IFNA1: variants seen among roughly 807,000 people sequenced by gnomAD.
IFNA1 encodes the protein interferon alpha-1.
For missense variants in IFNA1, 130 were observed against 219.8 expected, an observed-to-expected ratio of 0.59 and a Z score of 2.58; for synonymous variants, 52 against 86.8, an observed-to-expected ratio of 0.60 and a Z score of 2.23.
chr9:21,441,311 T>C lies in IFNA1; in HGVS notation c.*234T>C, dbSNP rs12685904. 2.3e-4 allele frequency: 130 copies of C among 577,154 alleles called. No homozygotes were observed. The highest frequency in any genetic ancestry group is 1.7e-3 in the African/African-American group (90 of 51,682). The allele number at this position is 577,154 out of a possible 1,614,324, so 35.8% of individuals were successfully genotyped here. A position where few individuals can be genotyped will look rare whatever the true frequency, so the allele number is the denominator to read the frequency against. On this transcript the variant is annotated 3_prime_UTR_variant, in exon 1 of 1. Transcript: ENST00000276927. ...GTGTAATAAAACATGTTCCTTATAT[T>C]TACTCAATCCATTATTTTGTGTTGT...
rs202105745 is a variant in IFNA1 at position 21,440,731 on chromosome 9, C to T, written c.224C>T (p.Pro75Leu). 2 of 1,533,866 alleles carry T rather than the reference C, an allele frequency of 1.3e-6. No individual in the cohort carries two copies. Among genetic ancestry groups the T allele is most frequent in the Non-Finnish European group, 1.8e-6 (2 of 1,122,408 alleles). The change falls in exon 1 of 1, where the codon CCA (proline) becomes CTA (leucine). Residue 75 changes from proline (P) to leucine (L), a missense_variant. By Grantham distance (98) the Pro-to-Leu change is moderately conservative. Coordinates refer to ENST00000276927, the MANE Select transcript of IFNA1 (RefSeq NM_024013.3). ...GATGGCAACCAGTTCCAGAAGGCTC[C>T]AGCCATCTCTGTCCTCCATGAGCTG... is the stretch of plus-strand genomic sequence containing the variant. ...EFDGNQFQKA[P>L]AISVLHELIQ...
rs778739952 is a variant in IFNA1 at position 21,440,888 on chromosome 9, G to C, written c.381G>C (p.Glu127Asp). The C allele has an allele frequency of 1.3e-6, 2 of 1,564,922 alleles. No individual in the cohort carries two copies. Among genetic ancestry groups the C allele is most frequent in the Non-Finnish European group, 1.7e-6 (2 of 1,156,250 alleles). Reference protein sequence around the residue: ...NDLEACVMQEERVGETPLMNA... With the variant: ...NDLEACVMQEDRVGETPLMNA... ...TGGAAGCCTGTGTGATGCAGGAGGA[G>C]AGGGTGGGAGAAACTCCCCTGATGA... is the stretch of plus-strand genomic sequence containing the variant. The change falls in exon 1 of 1, where the codon GAG (glutamate) becomes GAC (aspartate). Residue 127 changes from glutamate to aspartate, a missense_variant. Glu to Asp is a conservative substitution (Grantham distance 45). Coordinates refer to ENST00000276927, the MANE Select transcript of IFNA1 (RefSeq NM_024013.3).
chr9:21,440,657 C>T lies in IFNA1; in HGVS notation c.150C>T (p.Ser50=). The part of the protein sequence containing the change: ...LLAQMSRISP[S]SCLMDRHDFG... ...CACAAATGAGCAGAATCTCTCCTTC[C>T]TCCTGTCTGATGGACAGACATGACT... Residue 50 remains serine (S), a synonymous_variant, in exon 1 of 1, where the codon TCC becomes TCT. Coordinates refer to ENST00000276927, the MANE Select transcript of IFNA1 (RefSeq NM_024013.3). 1.2e-6 allele frequency: 2 copies of T among 1,608,648 alleles called. No homozygotes were observed. Among genetic ancestry groups the T allele is most frequent in the Non-Finnish European group, 1.7e-6 (2 of 1,177,746 alleles).
rs34116439 is a variant in IFNA1 at position 21,441,309 on chromosome 9, A to T, written c.*232A>T. ...TAGTGTAATAAAACATGTTCCTTAT[A>T]TTTACTCAATCCATTATTTTGTGTT... On this transcript the variant is annotated 3_prime_UTR_variant, in exon 1 of 1. Transcript: ENST00000276927. 3 of 583,554 alleles carry T rather than the reference A, an allele frequency of 5.1e-6. No homozygotes were observed. The highest frequency in any genetic ancestry group is 3.3e-5 in the South Asian group (1 of 29,900). 36.1% of individuals were successfully genotyped at this position (583,554 alleles called of 1,614,324 possible).
At position 21,441,261 on chromosome 9, in the gene IFNA1, C is replaced by G. The variant is rs1818370391; in HGVS notation, c.*184C>G. ...TAAATTATTTTTGTTCATATAACGT[C>G]ATGTGCACCTTTACACTGTGGTTAG... On this transcript the variant is annotated 3_prime_UTR_variant, in exon 1 of 1. Transcript: ENST00000276927. 7 of 902,156 alleles carry G rather than the reference C, an allele frequency of 7.8e-6. No individual in the cohort carries two copies. The highest frequency in any genetic ancestry group is 1.1e-5 in the Non-Finnish European group (7 of 621,612). The allele number at this position is 902,156 out of a possible 1,614,324, so 55.9% of individuals were successfully genotyped here. A position where few individuals can be genotyped will look rare whatever the true frequency, so the allele number is the denominator to read the frequency against.
chr9:21,441,314 C>T lies in IFNA1; in HGVS notation c.*237C>T. On this transcript the variant is annotated 3_prime_UTR_variant, in exon 1 of 1. Coordinates refer to ENST00000276927, the MANE Select transcript of IFNA1 (RefSeq NM_024013.3). ...TAATAAAACATGTTCCTTATATTTA[C>T]TCAATCCATTATTTTGTGTTGTTCA... 3.6e-6 allele frequency: 2 copies of T among 560,054 alleles called. No individual in the cohort carries two copies. The highest frequency in any genetic ancestry group is 5.7e-6 in the Non-Finnish European group (2 of 348,978). The allele number at this position is 560,054 out of a possible 1,614,324, so 34.7% of individuals were successfully genotyped here.
chr9:21,440,831 C>T lies in IFNA1; in HGVS notation c.324C>T (p.Phe108=), dbSNP rs1586976040. The change falls in exon 1 of 1, where the codon TTC becomes TTT. Residue 108 remains phenylalanine, a synonymous_variant. Coordinates refer to ENST00000276927, the MANE Select transcript of IFNA1 (RefSeq NM_024013.3). ...AAWDEDLLDK[F]CTELYQQLND... Reference sequence around the variant, plus strand: ...GGGATGAGGACCTCCTAGACAAATTCTGCACCGAACTCTACCAGCAGCTGA... The same window carrying T: ...GGGATGAGGACCTCCTAGACAAATTTTGCACCGAACTCTACCAGCAGCTGA... The T allele has an allele frequency of 6.8e-7, 1 of 1,464,834 alleles. No homozygotes were observed. The highest frequency in any genetic ancestry group is 2.4e-5 in the East Asian group (1 of 42,510). The allele number at this position is 1,464,834 out of a possible 1,614,324, so 90.7% of individuals were successfully genotyped here.
Position 21,440,886 on chromosome 9 carries a change from G to A in IFNA1, c.379G>A (p.Glu127Lys). The change falls in exon 1 of 1, where the codon GAG (glutamate) becomes AAG (lysine). Residue 127 changes from glutamate (E) to lysine (K), a missense_variant. Physicochemically the swap from Glu to Lys is moderately conservative, Grantham distance 56. Transcript: ENST00000276927. Reference protein sequence around the residue: ...NDLEACVMQEERVGETPLMNA... With the variant: ...NDLEACVMQEKRVGETPLMNA... ...CTTGGAAGCCTGTGTGATGCAGGAGGAGAGGGTGGGAGAAACTCCCCTGAT... is the reference window on the plus strand; with the variant it reads ...CTTGGAAGCCTGTGTGATGCAGGAGAAGAGGGTGGGAGAAACTCCCCTGAT... 6.4e-7 allele frequency: 1 copy of A among 1,562,526 alleles called. No homozygotes were observed. The highest frequency in any genetic ancestry group is 8.7e-7 in the Non-Finnish European group (1 of 1,154,906).
Position 21,440,811 on chromosome 9 carries a change from G to A in IFNA1, c.304G>A (p.Glu102Lys). Residue 102 changes from glutamate to lysine, a missense_variant, in exon 1 of 1, where the codon GAG becomes AAG. Physicochemically the swap from Glu to Lys is moderately conservative, Grantham distance 56. Transcript: ENST00000276927. ...AAAAGATTCATCTGCTGCTTGGGAT[G>A]AGGACCTCCTAGACAAATTCTGCAC... ...TTKDSSAAWDEDLLDKFCTEL... is the reference protein window; with the variant it reads ...TTKDSSAAWDKDLLDKFCTEL... The A allele has an allele frequency of 7.0e-7, 1 of 1,425,122 alleles. No homozygotes were observed. The highest frequency in any genetic ancestry group is 9.5e-7 in the Non-Finnish European group (1 of 1,052,708). The allele number at this position is 1,425,122 out of a possible 1,614,324, so 88.3% of individuals were successfully genotyped here. A position where few individuals can be genotyped will look rare whatever the true frequency, so the allele number is the denominator to read the frequency against.
chr9:21,440,538 C>T lies in IFNA1; in HGVS notation c.31C>T (p.Leu11=). 2 of 1,614,084 alleles carry T rather than the reference C, an allele frequency of 1.2e-6. No homozygotes were observed. The highest frequency in any genetic ancestry group is 1.7e-6 in the Non-Finnish European group (2 of 1,179,992). Residue 11 remains leucine (L), a synonymous_variant, in exon 1 of 1, where the codon CTG becomes TTG. Transcript: ENST00000276927. The stretch of plus-strand genomic sequence containing the variant: ...CTCGCCCTTTGCTTTACTGATGGTC[C>T]TGGTGGTGCTCAGCTGCAAGTCAAG... MASPFALLMV[L]VVLSCKSSCS... is the part of the protein sequence containing the mutation.
At position 21,440,909 on chromosome 9, in the gene IFNA1, G is replaced by A. The variant is rs1818364973; in HGVS notation, c.402G>A (p.Leu134=). 3.8e-6 allele frequency: 6 copies of A among 1,590,492 alleles called. No individual in the cohort carries two copies. The African/African-American group carries it at 7.0e-5, about 19-fold the overall frequency. ...MQEERVGETP[L]MNADSILAVK... is the part of the protein sequence containing the mutation. ...AGGAGAGGGTGGGAGAAACTCCCCT[G>A]ATGAATGCGGACTCCATCTTGGCTG... Residue 134 remains leucine (L), a synonymous_variant, in exon 1 of 1, where the codon CTG becomes CTA. Coordinates refer to ENST00000276927, the MANE Select transcript of IFNA1 (RefSeq NM_024013.3).
chr9:21,441,259 G>T lies in IFNA1; in HGVS notation c.*182G>T. The T allele has an allele frequency of 1.1e-6, 1 of 933,418 alleles. No individual in the cohort carries two copies. Among genetic ancestry groups the T allele is most frequent in the Non-Finnish European group, 1.5e-6 (1 of 650,216 alleles). The allele number at this position is 933,418 out of a possible 1,614,324, so 57.8% of individuals were successfully genotyped here. On this transcript the variant is annotated 3_prime_UTR_variant, in exon 1 of 1. Coordinates refer to ENST00000276927, the MANE Select transcript of IFNA1 (RefSeq NM_024013.3). Reference sequence around the variant, plus strand: ...TTTAAATTATTTTTGTTCATATAACGTCATGTGCACCTTTACACTGTGGTT... The same window carrying T: ...TTTAAATTATTTTTGTTCATATAACTTCATGTGCACCTTTACACTGTGGTT...
Position 21,440,666 on chromosome 9 carries a change from G to T in IFNA1, c.159G>T (p.Leu53=). Residue 53 remains leucine, a synonymous_variant, in exon 1 of 1, where the codon CTG becomes CTT. Coordinates refer to ENST00000276927, the MANE Select transcript of IFNA1 (RefSeq NM_024013.3). The part of the protein sequence containing the change: ...QMSRISPSSC[L]MDRHDFGFPQ... ...GCAGAATCTCTCCTTCCTCCTGTCT[G>T]ATGGACAGACATGACTTTGGATTTC... 2 of 1,606,294 alleles carry T rather than the reference G, an allele frequency of 1.2e-6. No homozygotes were observed. The highest frequency in any genetic ancestry group is 1.7e-6 in the Non-Finnish European group (2 of 1,176,602).
Position 21,440,833 on chromosome 9 carries a change from G to T in IFNA1, c.326G>T (p.Cys109Phe), listed in dbSNP as rs1011990723. ...GATGAGGACCTCCTAGACAAATTCT[G>T]CACCGAACTCTACCAGCAGCTGAAT... ...AWDEDLLDKF[C>F]TELYQQLNDL... The change falls in exon 1 of 1, where the codon TGC becomes TTC. Residue 109 changes from cysteine (C) to phenylalanine (F), a missense_variant. Physicochemically the swap from Cys to Phe is radical, Grantham distance 205. Transcript: ENST00000276927. 6.8e-7 allele frequency: 1 copy of T among 1,469,738 alleles called. No individual in the cohort carries two copies. The highest frequency in any genetic ancestry group is 9.2e-7 in the Non-Finnish European group (1 of 1,092,718). 91.0% of individuals were successfully genotyped at this position (1,469,738 alleles called of 1,614,324 possible).
chr9:21,441,094 A>T lies in IFNA1; in HGVS notation c.*17A>T, dbSNP rs1485025045. On this transcript the variant is annotated 3_prime_UTR_variant, in exon 1 of 1. Transcript: ENST00000276927. ...AAGGAATAACATCTGGTCCAACATG[A>T]AAACAATTCTTATTGACTCATACAC... is the stretch of plus-strand genomic sequence containing the variant. 6.6e-7 allele frequency: 1 copy of T among 1,513,752 alleles called. No homozygotes were observed. The highest frequency in any genetic ancestry group is 8.8e-7 in the Non-Finnish European group (1 of 1,136,000). 93.8% of individuals were successfully genotyped at this position (1,513,752 alleles called of 1,614,324 possible). A position where few individuals can be genotyped will look rare whatever the true frequency, so the allele number is the denominator to read the frequency against.
rs1065753 is a variant in IFNA1, at chr9:21,441,080, T to G, written c.*3T>G. On this transcript the variant is annotated 3_prime_UTR_variant, in exon 1 of 1. Transcript: ENST00000276927. ...AAAGATTAAGGAGGAAGGAATAACATCTGGTCCAACATGAAAACAATTCTT... is the reference window on the plus strand; with the variant it reads ...AAAGATTAAGGAGGAAGGAATAACAGCTGGTCCAACATGAAAACAATTCTT... The G allele has an allele frequency of 3.1e-6, 5 of 1,611,782 alleles. No individual in the cohort carries two copies. Among genetic ancestry groups the G allele is most frequent in the Admixed American group, 1.7e-5 (1 of 59,820 alleles).
Position 21,440,948 on chromosome 9 carries a change from C to T in IFNA1, c.441C>T (p.Phe147=). 1 of 1,606,438 alleles carries T rather than the reference C, an allele frequency of 6.2e-7. No individual in the cohort carries two copies. ...CCATCTTGGCTGTGAAGAAATACTT[C>T]CGAAGAATCACTCTCTATCTGACAG... The part of the protein sequence containing the change: ...ADSILAVKKY[F]RRITLYLTEK... Residue 147 remains phenylalanine (F), a synonymous_variant, in exon 1 of 1, where the codon TTC becomes TTT. Coordinates refer to ENST00000276927, the MANE Select transcript of IFNA1 (RefSeq NM_024013.3).
chr9:21,440,759 C>G lies in IFNA1; in HGVS notation c.252C>G (p.Ile84Met). Residue 84 changes from isoleucine to methionine, a missense_variant, in exon 1 of 1, where the codon ATC (isoleucine) becomes ATG (methionine). Physicochemically the swap from Ile to Met is conservative, Grantham distance 10 (BLOSUM62 1). Transcript: ENST00000276927. ...CCATCTCTGTCCTCCATGAGCTGATCCAGCAGATCTTCAACCTCTTTACCA... is the reference window on the plus strand; with the variant it reads ...CCATCTCTGTCCTCCATGAGCTGATGCAGCAGATCTTCAACCTCTTTACCA... ...APAISVLHEL[I>M]QQIFNLFTTK... 4 of 1,458,042 alleles carry G rather than the reference C, an allele frequency of 2.7e-6. No homozygotes were observed. In the Admixed American group the frequency reaches 6.2e-5, roughly 22 times the overall value. 90.3% of individuals were successfully genotyped at this position (1,458,042 alleles called of 1,614,324 possible).
Position 21,440,920 on chromosome 9 carries a change from A to C in IFNA1, c.413A>C (p.Asp138Ala), listed in dbSNP as rs1818365355. Residue 138 changes from aspartate to alanine, a missense_variant, in exon 1 of 1, where the codon GAC becomes GCC. Transcript: ENST00000276927. ...GGAGAAACTCCCCTGATGAATGCGG[A>C]CTCCATCTTGGCTGTGAAGAAATAC... ...RVGETPLMNA[D>A]SILAVKKYFR... is the part of the protein sequence containing the mutation. 1 of 1,597,824 alleles carries C rather than the reference A, an allele frequency of 6.3e-7. No homozygotes were observed. Among genetic ancestry groups the C allele is most frequent in the East Asian group, 2.2e-5 (1 of 44,608 alleles).
Sources: allele counts gnomAD v4.1 joint callset, GRCh38; gene constraint gnomAD v4.1.1; transcripts MANE v1.5; gene names NCBI Gene and HGNC (gene_info 2026-07-23, HGNC 2026-07-21).